Variants in COL4A6 observed in about 807,000 individuals in gnomAD.
COL4A6 encodes the protein collagen type IV alpha 6 chain, also known as collagen alpha-6(IV) chain.
A neutral mutation model predicts 126.7 loss-of-function variants in COL4A6; 59 were observed. The observed-to-expected ratio is 0.47, with a 90% CI of 0.38 to 0.58. The LOEUF (loss-of-function observed/expected upper bound fraction) is 0.58, where lower values mean the gene tolerates loss of function less well. COL4A6 is among the 20% of genes least tolerant of loss of function. The pLI, the probability that COL4A6 is intolerant of heterozygous loss-of-function variation, is 0.00. For synonymous variants in COL4A6, 547 were observed against 496.6 expected, an observed-to-expected ratio of 1.10 and a Z score of -1.35; for missense variants, 1,285 against 1,337.3, an observed-to-expected ratio of 0.96 and a Z score of 0.61.
chrX:108,191,304 CTG>C, intron 19 of COL4A6, 87 bp downstream of exon 19: 1 of 1,070,946 alleles, frequency 9.3e-7, no homozygotes, highest in Non-Finnish European at 1.3e-6. Context: ...GCTGTTTCAC[CTG>C]TGAGATGCCC....
intron 3 of COL4A6, among the ~76,000 whole-genome samples, chrX:108,255,529 G>A (rs1460838673): frequency 3.6e-5 from 4 of 111,018 alleles, no homozygotes; most frequent in Non-Finnish European, 5.7e-5. Flanking sequence ...AGCATTCAGA[G>A]GCTCATTTTT....
chrX:108,219,038 G>C (rs1349750213), intron 5 of COL4A6, among the ~76,000 whole-genome samples: 2 of 112,400 alleles, frequency 1.8e-5, no homozygotes, highest in Non-Finnish European at 1.9e-5. Context: ...GGAATCACCA[G>C]TGGTGGGATA....
rs765540898 is a variant in COL4A6, at chrX:108,289,551, TGTTTTC to T, written c.144+21191_144+21196del. On this transcript the variant is annotated intron_variant, in intron 3 of 44. Coordinates refer to ENST00000334504, the MANE Select transcript of COL4A6 (RefSeq NM_033641.4). ...TGTGCCAAGTTTTTGTTTTTGTTTT[TGTTTTC>T]GTTTTAAAAAAAAACTTCTCTAATT... Among the ~76,000 whole-genome samples, 421 of 111,379 alleles carry T rather than the reference TGTTTTC, an allele frequency of 3.8e-3. 1 individual carries two copies. Among genetic ancestry groups the T allele is most frequent in the African/African-American group, 9.8e-3 (300 of 30,618 alleles).
intron 2 of COL4A6, among the ~76,000 whole-genome samples, chrX:108,325,375 C>T (rs2039130343): frequency 9.0e-6 from 1 of 111,620 alleles, no homozygotes; most frequent in East Asian, 2.8e-4. Context: ...TGGTGATTCC[C>T]GTGCAAGACA....
chrX:108,250,128 C>G (rs1400311403), intron 3 of COL4A6, among the ~76,000 whole-genome samples: 1 of 111,715 alleles, frequency 9.0e-6, no homozygotes, highest in Non-Finnish European at 1.9e-5. Flanking sequence ...TCAGAGAAAG[C>G]AAAACAGCTG....
At chrX:108,375,837 CA>C (rs1475467302) in intron 2 of COL4A6, among the ~76,000 whole-genome samples, 3 of 110,370 alleles carry the variant, frequency 2.7e-5, no homozygotes, top group African/African-American at 9.9e-5. Flanking sequence ...ATTTTTTTTT[CA>C]CTGAAGAGGA....
chrX:108,156,971 G>A lies in COL4A6; in HGVS notation c.*29C>T, dbSNP rs1421857350. 3 of 1,190,563 alleles carry A rather than the reference G, an allele frequency of 2.5e-6. No individual in the cohort carries two copies. The African/African-American group carries it at 5.3e-5, about 21-fold the overall frequency. Reference sequence around the variant, plus strand: ...GGTGACTGTTGTGAGGGGCAGGGGAGGGCAAGGGGCAGAGTGGCAGGTGCC... The same window carrying A: ...GGTGACTGTTGTGAGGGGCAGGGGAAGGCAAGGGGCAGAGTGGCAGGTGCC... On this transcript the variant is annotated 3_prime_UTR_variant, in exon 45 of 45. Transcript: ENST00000334504.
At chrX:108,228,776 T>C (rs1460035872) in intron 3 of COL4A6, among the ~76,000 whole-genome samples, 1 of 112,288 alleles carries the variant, frequency 8.9e-6, no homozygotes, top group Admixed American at 9.4e-5. Context: ...TTACCTCCCA[T>C]TGGGTCCCTC....
chrX:108,323,659 G>T (rs779059939), intron 2 of COL4A6, among the ~76,000 whole-genome samples: 1 of 111,483 alleles, frequency 9.0e-6, no homozygotes, highest in South Asian at 3.7e-4. Flanking sequence ...AGTCACATCC[G>T]TTCTTTTTCC....
chrX:108,178,044 A>G (rs1318348933), intron 27 of COL4A6, among the ~76,000 whole-genome samples: 1 of 111,876 alleles, frequency 8.9e-6, no homozygotes, highest in Non-Finnish European at 1.9e-5. Flanking sequence ...ACACAGAGAG[A>G]CAAAGGGAAT....
In COL4A6 at chrX:108,211,323, C is replaced by T. The variant is rs1315601951; in HGVS notation, c.510+349G>A. Among the ~76,000 whole-genome samples, 8 of 112,107 alleles carry T rather than the reference C, an allele frequency of 7.1e-5. No individual in the cohort carries two copies. In the Admixed American group the frequency reaches 7.5e-4, roughly 11 times the overall value. On this transcript the variant is annotated intron_variant, in intron 7 of 44. Coordinates refer to ENST00000334504, the MANE Select transcript of COL4A6 (RefSeq NM_033641.4). The stretch of plus-strand genomic sequence containing the variant: ...GGGCAGAGACATACATGGCTTCAAA[C>T]CAAGGAATACAGACAACAAGGATTC...
At chrX:108,262,798 T>C (rs769209024) in intron 3 of COL4A6, among the ~76,000 whole-genome samples, 1 of 111,897 alleles carries the variant, frequency 8.9e-6, no homozygotes, top group East Asian at 2.8e-4. Context: ...TCATAGTTGA[T>C]GGGCCTTGCA....
intron 2 of COL4A6, among the ~76,000 whole-genome samples, chrX:108,330,468 T>C (rs17280189): frequency 0.012 from 1,323 of 111,512 alleles, 51 homozygotes; most frequent in Admixed American, 0.099. Flanking sequence ...TGGGAATAAG[T>C]GGAATTCACT....
At chrX:108,373,541 T>C (rs1185037633) in intron 2 of COL4A6, among the ~76,000 whole-genome samples, 1 of 111,409 alleles carries the variant, frequency 9.0e-6, no homozygotes, top group Admixed American at 9.5e-5. Context: ...AACCCAGGTC[T>C]CCTGAATCCC....
At chrX:108,278,346 C>T (rs1449157437) in intron 3 of COL4A6, among the ~76,000 whole-genome samples, 3 of 112,003 alleles carry the variant, frequency 2.7e-5, no homozygotes, top group Non-Finnish European at 3.8e-5. Context: ...ATGAAGAGTG[C>T]AGAAGCCTCA....
intron 23 of COL4A6, chrX:108,183,897 C>T: frequency 9.7e-6 from 3 of 310,278 alleles, no homozygotes; most frequent in Non-Finnish European, 1.6e-5. Context: ...TAGTGGAGAG[C>T]ACTTGCACCC....
At chrX:108,234,043 G>A (rs1289504675) in intron 3 of COL4A6, among the ~76,000 whole-genome samples, 3 of 112,062 alleles carry the variant, frequency 2.7e-5, no homozygotes, top group Non-Finnish European at 5.6e-5. Context: ...TATTGTTAGA[G>A]TAGAAGCTCT....
chrX:108,282,953 C>G (rs1326099636), intron 3 of COL4A6, among the ~76,000 whole-genome samples: 1 of 90,370 alleles, frequency 1.1e-5, no homozygotes, highest in African/African-American at 4.3e-5. Flanking sequence ...ACAATGAGAA[C>G]ACATGGACAC....
rs372866186 is a variant in COL4A6 at position 108,209,905 on chromosome X, C to T, written c.546+64G>A. ...GACCTTAGAACATCATAGAGAAGAA[C>T]GAAAATGCACCATTAGTGATTTTTA... On this transcript the variant is annotated intron_variant, in intron 8 of 44. Transcript: ENST00000334504. 1.6e-4 allele frequency: 178 copies of T among 1,148,098 alleles called. No individual in the cohort carries two copies. In the African/African-American group the frequency reaches 2.6e-3, roughly 17 times the overall value. 94.6% of individuals were successfully genotyped at this position (1,148,098 alleles called of 1,213,427 possible). A position where few individuals can be genotyped will look rare whatever the true frequency, so the allele number is the denominator to read the frequency against.
Sources: gnomAD v4.1 joint callset for allele counts (sites outside exome capture counted in the v4.1 genomes callset) on GRCh38, gnomAD v4.1.1 for gene constraint, MANE v1.5 for transcripts, NCBI Gene and HGNC (gene_info 2026-07-23, HGNC 2026-07-21) for gene names.